CXADR: variants seen among roughly 807,000 people sequenced by gnomAD.
The protein encoded by CXADR is CXADR cell adhesion molecule.
Under a neutral mutation model 40.3 loss-of-function variants are expected in CXADR, and 20 were observed. The observed-to-expected ratio is 0.50, with a 90% CI of 0.35 to 0.72. The LOEUF is 0.72. Among genes scored for constraint, CXADR ranks in the 30% least tolerant of loss-of-function variants. The probability of loss-of-function intolerance (pLI) is 0.01; values close to 1 mark genes in which losing one functional copy is unlikely to be tolerated. For missense variants in CXADR, 332 were observed against 449.1 expected, an observed-to-expected ratio of 0.74 and a Z score of 2.36; for synonymous variants, 150 against 161.3, an observed-to-expected ratio of 0.93 and a Z score of 0.53.
intron 7 of CXADR, among the ~76,000 whole-genome samples, chr21:17,580,809 G>A (rs2123379576): frequency 6.6e-6 from 1 of 152,240 alleles, no homozygotes; most frequent in Admixed American, 6.5e-5. Flanking sequence ...GGAGTGCAGA[G>A]GGGTGATCAT....
exon 8 of CXADR, chr21:17,593,415 C>CTGAT: frequency 3.0e-6 from 1 of 338,286 alleles, no homozygotes; most frequent in East Asian, 4.4e-5. Context: ...TATAGTGACA[C>CTGAT]TGATAGTTAA....
chr21:17,626,468 A>AT, the CXADR span, among the ~76,000 whole-genome samples: 66 of 149,956 alleles, frequency 4.4e-4, no homozygotes, highest in Middle Eastern at 3.4e-3. Context: ...GGGAATCAAC[A>AT]TTTTTTTTTT....
downstream of CXADR, chr21:17,594,287 G>A: frequency 6.2e-7 from 1 of 1,613,068 alleles, no homozygotes; most frequent in South Asian, 1.1e-5. Flanking sequence ...TTTTTTCTGG[G>A]CAAAGGGTGC....
intron 7 of CXADR, among the ~76,000 whole-genome samples, chr21:17,586,147 A>G (rs1212547779): frequency 1.3e-5 from 2 of 152,002 alleles, no homozygotes; most frequent in Admixed American, 6.6e-5. Flanking sequence ...TTCCCTCGTC[A>G]TTAGTGTGCC....
At chr21:17,534,199 CGGGTTTCAAGCGATTCTTCTGCCTCT>C (rs2060723833) in intron 1 of CXADR, among the ~76,000 whole-genome samples, 1 of 145,076 alleles carries the variant, frequency 6.9e-6, no homozygotes, top group Admixed American at 7.1e-5. Context: ...CCTCTGCCTC[CGGGTTTCAAGCGATTCTTCTGCCTCT>C]AGCTGGGACT....
At chr21:17,518,610 T>G (rs2060490472) in intron 1 of CXADR, 1 of 1,506,652 alleles carries the variant, frequency 6.6e-7, no homozygotes, top group Admixed American at 1.7e-5. Flanking sequence ...CTGGTTTTGC[T>G]GCTTTACTGT....
intron 1 of CXADR, among the ~76,000 whole-genome samples, chr21:17,533,353 C>T (rs1569090468): frequency 6.6e-6 from 1 of 152,118 alleles, no homozygotes; most frequent in Non-Finnish European, 1.5e-5. Context: ...GTATAAATTC[C>T]AAACATTTCT....
chr21:17,520,114 C>T (rs2060511795), intron 1 of CXADR, among the ~76,000 whole-genome samples: 1 of 152,110 alleles, frequency 6.6e-6, no homozygotes, highest in African/African-American at 2.4e-5. Flanking sequence ...CATTCGAATA[C>T]CTAACACTCT....
At chr21:17,601,295 G>A in the CXADR span, among the ~76,000 whole-genome samples, 4 of 152,274 alleles carry the variant, frequency 2.6e-5, no homozygotes, top group Middle Eastern at 3.4e-3. Context: ...TTTCCTATAT[G>A]CTGGACGAGG....
At position 17,547,012 on chromosome 21, in the gene CXADR, C is replaced by T. The variant is rs758729413; in HGVS notation, c.44-15C>T. 1.9e-6 allele frequency: 3 copies of T among 1,611,698 alleles called. No individual in the cohort carries two copies. Among genetic ancestry groups the T allele is most frequent in the African/African-American group, 2.7e-5 (2 of 74,826 alleles). On this transcript the variant is annotated splice_polypyrimidine_tract_variant and intron_variant, in intron 1 of 6. Coordinates refer to ENST00000284878, the MANE Select transcript of CXADR (RefSeq NM_001338.5). ...TATAGCAAATGCTTAGTCCCTTGTA[C>T]ATTTCTTTCTCTAGATTTCGCCAGA...
chr21:17,553,452 T>G (rs1055026821), intron 3 of CXADR, among the ~76,000 whole-genome samples: 1 of 152,162 alleles, frequency 6.6e-6, no homozygotes, highest in Non-Finnish European at 1.5e-5. Context: ...TAAAAATGTT[T>G]CTTGTGGTGT....
chr21:17,619,649 G>A, the CXADR span, among the ~76,000 whole-genome samples: 1 of 151,642 alleles, frequency 6.6e-6, no homozygotes, highest in Non-Finnish European at 1.5e-5. Flanking sequence ...TCTGAAGTGA[G>A]GCATTGACTT....
chr21:17,517,487 A>T (rs2060475767), intron 1 of CXADR, among the ~76,000 whole-genome samples: 1 of 152,160 alleles, frequency 6.6e-6, no homozygotes, highest in South Asian at 2.1e-4. Flanking sequence ...GTGTTGGGGG[A>T]TGAGTCTGGC....
intron 2 of CXADR, among the ~76,000 whole-genome samples, chr21:17,551,358 A>C (rs1292595907): frequency 1.3e-5 from 2 of 152,078 alleles, no homozygotes; most frequent in African/African-American, 4.8e-5. Context: ...TCACCATTGC[A>C]CTCCAGCCTG....
chr21:17,628,533 C>T, the CXADR span, among the ~76,000 whole-genome samples: 2 of 151,990 alleles, frequency 1.3e-5, no homozygotes, highest in South Asian at 4.2e-4. Flanking sequence ...CGGAGTCTCG[C>T]TCTGTCGTCC....
At chr21:17,563,154 G>C (rs2061147173) in intron 6 of CXADR, among the ~76,000 whole-genome samples, 1 of 151,900 alleles carries the variant, frequency 6.6e-6, no homozygotes, top group South Asian at 2.1e-4. Context: ...TCCTCACTAA[G>C]GTTAATTATT....
the CXADR span, among the ~76,000 whole-genome samples, chr21:17,618,835 A>G: frequency 3.3e-5 from 5 of 152,290 alleles, no homozygotes; most frequent in Admixed American, 3.3e-4. Flanking sequence ...ACTCCTGGCC[A>G]TGAATGTATT....
At chr21:17,599,786 G>A in the CXADR span, among the ~76,000 whole-genome samples, 4 of 152,126 alleles carry the variant, frequency 2.6e-5, no homozygotes, top group African/African-American at 9.7e-5. Context: ...AGCCCCAGCT[G>A]TACTTATAAA....
intron 7 of CXADR, among the ~76,000 whole-genome samples, chr21:17,589,278 C>A (rs1355373258): frequency 6.6e-6 from 1 of 152,014 alleles, no homozygotes; most frequent in African/African-American, 2.4e-5. Flanking sequence ...AGCCACATTG[C>A]AATTGTTTAA....
Sources: gnomAD v4.1 joint callset for allele counts (sites outside exome capture counted in the v4.1 genomes callset) on GRCh38, gnomAD v4.1.1 for gene constraint, MANE v1.5 for transcripts, NCBI Gene and HGNC (gene_info 2026-07-23, HGNC 2026-07-21) for gene names.